The following PACRG variants were observed in gnomAD, a reference collection of about 807,000 sequenced individuals.
PACRG encodes parkin coregulated gene protein.
PACRG carries 29 observed loss-of-function variants against 29.7 expected under a neutral mutation model. The observed-to-expected ratio is 0.98, with a 90% CI of 0.73 to 1.33. PACRG has a LOEUF of 1.33. Ranked by LOEUF, PACRG falls within the 40% of genes most tolerant of loss-of-function variation. PACRG has a pLI of 0.00. For missense variants in PACRG, 279 were observed against 316.2 expected, an observed-to-expected ratio of 0.88 and a Z score of 0.89; for synonymous variants, 116 against 118.7, an observed-to-expected ratio of 0.98 and a Z score of 0.15.
chr6:162,784,044 A>G (rs149896692), intron 1 of PACRG, among the ~76,000 whole-genome samples: 1 of 152,280 alleles, frequency 6.6e-6, no homozygotes, highest in Admixed American at 6.5e-5. Flanking sequence ...TTATAATCAT[A>G]TTGACTTTAC....
rs572445505 is a variant in PACRG at position 162,905,050 on chromosome 6, CAG to C, written c.291+90770_291+90771del. Reference sequence around the variant, plus strand: ...ACAGAGACAGAGATGAGAAGAGAGACAGGGGGAATTCATGAATTGGGCATCAG... The same window carrying C: ...ACAGAGACAGAGATGAGAAGAGAGACGGGGAATTCATGAATTGGGCATCAG... On this transcript the variant is annotated intron_variant, in intron 2 of 4. Transcript: ENST00000366888. Among the ~76,000 whole-genome samples, 934 of 152,218 alleles carry C rather than the reference CAG, an allele frequency of 6.1e-3. 12 individuals carry two copies. Among genetic ancestry groups the C allele is most frequent in the African/African-American group, 0.021 (869 of 41,532 alleles).
chr6:163,067,213 G>A (rs1259771379), intron 3 of PACRG, among the ~76,000 whole-genome samples: 4 of 152,180 alleles, frequency 2.6e-5, no homozygotes, highest in Non-Finnish European at 4.4e-5. Flanking sequence ...CAGCAGATGC[G>A]AACGGACCTG....
intron 4 of PACRG, among the ~76,000 whole-genome samples, chr6:163,151,304 TTA>T (rs1778080086): frequency 1.3e-5 from 2 of 152,186 alleles, no homozygotes; most frequent in Non-Finnish European, 2.9e-5. Context: ...GTTTAAAATC[TTA>T]TGTTTTTTAA....
chr6:162,951,463 G>A (rs912223007), intron 2 of PACRG, among the ~76,000 whole-genome samples: 4 of 152,216 alleles, frequency 2.6e-5, no homozygotes, highest in South Asian at 4.1e-4. Flanking sequence ...CTTTCAAACA[G>A]CAGTTGGCGG....
intron 4 of PACRG, among the ~76,000 whole-genome samples, chr6:163,239,335 C>T (rs1782370964): frequency 6.6e-6 from 1 of 152,122 alleles, no homozygotes; most frequent in Admixed American, 6.6e-5. Context: ...ACTTACTGCC[C>T]ACTGAAATGA....
chr6:162,733,887 A>G (rs1334283644), intron 1 of PACRG, among the ~76,000 whole-genome samples: 1 of 151,710 alleles, frequency 6.6e-6, no homozygotes, highest in Admixed American at 6.6e-5. Flanking sequence ...CAGCACTCCC[A>G]TCTCCCTTCC....
chr6:162,863,632 T>C (rs887614259), intron 2 of PACRG, among the ~76,000 whole-genome samples: 4 of 152,376 alleles, frequency 2.6e-5, no homozygotes, highest in Admixed American at 6.5e-5. Context: ...TTCACATTTA[T>C]AGAACATCGA....
At chr6:163,109,040 A>G (rs1815561598) in intron 4 of PACRG, among the ~76,000 whole-genome samples, 2 of 152,214 alleles carry the variant, frequency 1.3e-5, no homozygotes, top group South Asian at 2.1e-4. Context: ...ACCCTCCAGT[A>G]GGCATGCTGA....
intron 2 of PACRG, among the ~76,000 whole-genome samples, chr6:163,040,583 C>A (rs894063302): frequency 1.3e-5 from 2 of 152,242 alleles, no homozygotes; most frequent in Admixed American, 1.3e-4. Context: ...TGCAGAGTCA[C>A]AGGGGTGGAG....
At chr6:163,169,964 C>T (rs1432872888) in intron 4 of PACRG, among the ~76,000 whole-genome samples, 1 of 152,188 alleles carries the variant, frequency 6.6e-6, no homozygotes, top group Admixed American at 6.5e-5. Context: ...AGGGTCGTCC[C>T]TCCGTCTGTG....
rs920440578 is a variant in PACRG at position 162,727,999 on chromosome 6, T to C, written c.-237T>C. The C allele has an allele frequency of 2.6e-5, 16 of 626,632 alleles. No homozygotes were observed. Among genetic ancestry groups the C allele is most frequent in the Non-Finnish European group, 3.9e-5 (14 of 356,238 alleles). 38.8% of individuals were successfully genotyped at this position (626,632 alleles called of 1,614,324 possible). A position where few individuals can be genotyped will look rare whatever the true frequency, so the allele number is the denominator to read the frequency against. On this transcript the variant is annotated 5_prime_UTR_variant, in exon 1 of 5. Coordinates refer to ENST00000366888, the MANE Select transcript of PACRG (RefSeq NM_001080379.2). ...GCTTAGCAACCGGGAGGCTTACCTT[T>C]GGAAGCTTGTTGCAGCTCTAGCCAA...
intron 2 of PACRG, among the ~76,000 whole-genome samples, chr6:162,931,813 T>C (rs1389014043): frequency 6.6e-6 from 1 of 151,998 alleles, no homozygotes; most frequent in Non-Finnish European, 1.5e-5. Context: ...TTGATGGGAA[T>C]GTAAAATGGT....
intron 2 of PACRG, among the ~76,000 whole-genome samples, chr6:162,827,923 G>A (rs1788424241): frequency 1.3e-5 from 2 of 151,976 alleles, no homozygotes; most frequent in Admixed American, 1.3e-4. Context: ...GCTATTACTG[G>A]TCTCATCACT....
intron 1 of PACRG, among the ~76,000 whole-genome samples, chr6:162,753,324 A>G (rs1259953118): frequency 6.9e-6 from 1 of 145,396 alleles, no homozygotes; most frequent in Non-Finnish European, 1.5e-5. Context: ...CAACTTTGTT[A>G]TAGTCTACAT....
chr6:163,200,595 T>C (rs1452228919), intron 4 of PACRG, among the ~76,000 whole-genome samples: 1 of 152,124 alleles, frequency 6.6e-6, no homozygotes, highest in African/African-American at 2.4e-5. Context: ...ATGCAAGATG[T>C]ATTGACAGGA....
intron 2 of PACRG, among the ~76,000 whole-genome samples, chr6:163,018,931 T>C (rs945398396): frequency 2.0e-5 from 3 of 152,226 alleles, no homozygotes; most frequent in African/African-American, 7.2e-5. Context: ...CTTTTTTGTC[T>C]CCTGTGTTTC....
chr6:162,863,412 A>G (rs1371508522), intron 2 of PACRG, among the ~76,000 whole-genome samples: 2 of 152,256 alleles, frequency 1.3e-5, no homozygotes, highest in Non-Finnish European at 2.9e-5. Flanking sequence ...TATATTTCAG[A>G]ACACCTTGTT....
chr6:162,972,908 C>T (rs1181038292), intron 2 of PACRG, among the ~76,000 whole-genome samples: 10 of 152,104 alleles, frequency 6.6e-5, no homozygotes, highest in Non-Finnish European at 1.2e-4. Context: ...TTTAAATGTT[C>T]ATTATGGCAT....
chr6:163,004,558 G>A (rs189637918), intron 2 of PACRG, among the ~76,000 whole-genome samples: 1 of 151,616 alleles, frequency 6.6e-6, no homozygotes, highest in Admixed American at 6.6e-5. Context: ...ACAGCATGGG[G>A]GAAACCACCC....
Sources: allele counts gnomAD v4.1 joint callset (sites outside exome capture counted in the v4.1 genomes callset), GRCh38; gene constraint gnomAD v4.1.1; transcripts MANE v1.5; gene names NCBI Gene and HGNC (gene_info 2026-07-23, HGNC 2026-07-21).